The following EDIL3 variants were observed in gnomAD, a reference collection of about 807,000 sequenced individuals.
The protein encoded by EDIL3 is EGF like and discoidin domains 3.
Under a neutral mutation model 67.4 loss-of-function variants are expected in EDIL3, and 37 were observed. The observed-to-expected ratio is 0.55, with a 90% CI of 0.42 to 0.72. The LOEUF is 0.72. Ranked by LOEUF, EDIL3 falls within the 30% of genes least tolerant of loss-of-function variation. The probability of loss-of-function intolerance (pLI) is 0.00; values close to 1 mark genes in which losing one functional copy is unlikely to be tolerated. For synonymous variants in EDIL3, 195 were observed against 196.3 expected (o/e 0.99, Z 0.05); for missense variants, 527 against 586.3 (o/e 0.90, Z 1.04).
At chr5:84,294,846 T>A (rs1285855240) in intron 1 of EDIL3, among the ~76,000 whole-genome samples, 1 of 152,188 alleles carries the variant, frequency 6.6e-6, no homozygotes, top group Non-Finnish European at 1.5e-5. Context: ...TCTCACAGAA[T>A]CTAGAGGTAA....
At chr5:84,336,186 A>T (rs1036497504) in intron 1 of EDIL3, among the ~76,000 whole-genome samples, 1 of 152,328 alleles carries the variant, frequency 6.6e-6, no homozygotes, top group African/African-American at 2.4e-5. Flanking sequence ...AGAACATAGA[A>T]GGTGAGTAAA....
intron 3 of EDIL3, among the ~76,000 whole-genome samples, chr5:84,188,666 T>A (rs1220622011): frequency 6.6e-6 from 1 of 151,732 alleles, no homozygotes; most frequent in African/African-American, 2.4e-5. Context: ...TTAAATGAGG[T>A]CATATAAGTG....
chr5:84,002,861 C>A (rs1561399316), intron 9 of EDIL3, among the ~76,000 whole-genome samples: 1 of 152,110 alleles, frequency 6.6e-6, no homozygotes, highest in Non-Finnish European at 1.5e-5. Context: ...GGAGAGAAGG[C>A]CAGTTTCTCT....
intron 9 of EDIL3, among the ~76,000 whole-genome samples, chr5:83,991,635 G>A (rs553822348): frequency 3.3e-5 from 5 of 152,214 alleles, no homozygotes; most frequent in East Asian, 1.9e-4. Flanking sequence ...AGTAAGTATC[G>A]TGGCGACTTG....
chr5:84,055,436 A>G (rs1417478239), intron 9 of EDIL3, among the ~76,000 whole-genome samples: 1 of 142,784 alleles, frequency 7.0e-6, no homozygotes, highest in Non-Finnish European at 1.5e-5. Flanking sequence ...AGCAATGGCA[A>G]TAAAAGCCAA....
intron 8 of EDIL3, among the ~76,000 whole-genome samples, chr5:84,060,882 T>C (rs948353700): frequency 6.6e-6 from 1 of 152,206 alleles, no homozygotes; most frequent in African/African-American, 2.4e-5. Context: ...TCACAAAGTA[T>C]TGTTTTTCTT....
intron 4 of EDIL3, among the ~76,000 whole-genome samples, chr5:84,153,510 G>T (rs1748435841): frequency 1.3e-5 from 2 of 151,446 alleles, no homozygotes; most frequent in Non-Finnish European, 2.9e-5. Flanking sequence ...GGTCAGGCTG[G>T]TCTTGAACTC....
intron 9 of EDIL3, among the ~76,000 whole-genome samples, chr5:84,040,830 C>T (rs1307666552): frequency 2.0e-5 from 3 of 152,048 alleles, no homozygotes; most frequent in African/African-American, 7.2e-5. Context: ...CTAAGTAAGT[C>T]CCATTAGAAT....
intron 6 of EDIL3, among the ~76,000 whole-genome samples, chr5:84,105,614 A>G (rs533999864): frequency 1.3e-5 from 2 of 152,150 alleles, no homozygotes; most frequent in African/African-American, 4.8e-5. Context: ...TAAACTAATC[A>G]AAACTCTGCA....
At chr5:84,060,217 C>A in intron 9 of EDIL3, 83 bp downstream of exon 9, 1 of 1,491,936 alleles carries the variant, frequency 6.7e-7, no homozygotes. Flanking sequence ...GTGAAGGTAA[C>A]GACTCTGACA....
In EDIL3 at chr5:84,096,500, C is replaced by T. The variant is rs1356282853; in HGVS notation, c.651+10149G>A. ...GGGCCAGTAGCCCCTTTGTTTTGGC[C>T]GATTTCTCCCATTTGGAATGGCCGT... On this transcript the variant is annotated intron_variant, in intron 6 of 10. Coordinates refer to ENST00000296591, the MANE Select transcript of EDIL3 (RefSeq NM_005711.5). 4.6e-5 allele frequency among the ~76,000 whole-genome samples: 7 copies of T among 152,212 alleles called. No individual in the cohort carries two copies. The South Asian group carries it at 1.0e-3, about 23-fold the overall frequency.
intron 5 of EDIL3, among the ~76,000 whole-genome samples, chr5:84,110,893 C>A (rs348899): frequency 0.37 from 56,353 of 151,980 alleles, 10,718 homozygotes; most frequent in Non-Finnish European, 0.4. Flanking sequence ...GGATCCACTG[C>A]AACAGTACAT....
At chr5:83,963,959 A>C (rs1226096150) in intron 9 of EDIL3, among the ~76,000 whole-genome samples, 1 of 151,844 alleles carries the variant, frequency 6.6e-6, no homozygotes, top group Non-Finnish European at 1.5e-5. Context: ...ACAATTCTAA[A>C]ATGGTTGAGG....
chr5:83,947,423 A>G (rs1201251568), intron 10 of EDIL3, among the ~76,000 whole-genome samples: 1 of 148,860 alleles, frequency 6.7e-6, no homozygotes, highest in Non-Finnish European at 1.5e-5. Context: ...GCTGGGCTGA[A>G]AGCTCAGAAT....
Position 84,137,340 on chromosome 5 carries a change from C to T in EDIL3, c.370G>A (p.Glu124Lys), listed in dbSNP as rs539658658. The change falls in exon 5 of 11, where the codon GAA becomes AAA. Residue 124 changes from glutamate to lysine, a missense_variant. Physicochemically the swap from Glu to Lys is moderately conservative, Grantham distance 56. This residue lies in a region of EDIL3 where 494 missense variants were observed against 522.5 expected (regional missense o/e 0.95). Transcript: ENST00000296591. ...CCACCATTTTTGCAAGGCTCAACTTCGCATTCATTTATGTCTAAGAAAAAC... is the reference window on the plus strand; with the variant it reads ...CCACCATTTTTGCAAGGCTCAACTTTGCATTCATTTATGTCTAAGAAAAAC... ...IHCQHNINEC[E>K]VEPCKNGGIC... is the part of the protein sequence containing the mutation. The T allele has an allele frequency of 1.3e-4, 210 of 1,612,604 alleles. 1 individual carries two copies. The South Asian group carries it at 2.0e-3, about 16-fold the overall frequency.
chr5:84,162,482 G>T (rs781533188), intron 4 of EDIL3, among the ~76,000 whole-genome samples: 2 of 152,110 alleles, frequency 1.3e-5, no homozygotes, highest in Non-Finnish European at 2.9e-5. Context: ...GTTGAAACAT[G>T]GCTTTGGTGA....
At chr5:84,024,567 C>T (rs1745778555) in intron 9 of EDIL3, among the ~76,000 whole-genome samples, 1 of 152,084 alleles carries the variant, frequency 6.6e-6, no homozygotes, top group Non-Finnish European at 1.5e-5. Context: ...ATAAGGCAGG[C>T]AGCGTGGTAA....
At chr5:84,054,395 C>G (rs141008597) in intron 9 of EDIL3, among the ~76,000 whole-genome samples, 28,825 of 151,976 alleles carry the variant, frequency 0.19, 3,041 homozygotes, top group Admixed American at 0.24. Context: ...TTGAAAACTG[C>G]CACAAGACAG....
intron 3 of EDIL3, among the ~76,000 whole-genome samples, chr5:84,207,052 T>C (rs968528729): frequency 2.0e-5 from 3 of 152,112 alleles, no homozygotes; most frequent in African/African-American, 7.2e-5. Flanking sequence ...CCAGGGCAAT[T>C]AGGCAGGAGA....
Sources: allele counts gnomAD v4.1 joint callset (sites outside exome capture counted in the v4.1 genomes callset), GRCh38; gene constraint gnomAD v4.1.1; regional missense constraint gnomAD v4.1.1; transcripts MANE v1.5; gene names NCBI Gene and HGNC (gene_info 2026-07-23, HGNC 2026-07-21).